DSCAML1: variants seen among roughly 807,000 people sequenced by gnomAD.
The protein encoded by DSCAML1 is DS cell adhesion molecule like 1, also known as cell adhesion molecule DSCAML1.
In DSCAML1, 38 loss-of-function variants were observed where a neutral mutation model predicts 200.5. The observed-to-expected ratio is 0.19, with a 90% CI of 0.15 to 0.25. DSCAML1 has a LOEUF of 0.25. Among genes scored for constraint, DSCAML1 ranks in the 10% least tolerant of loss-of-function variants. The pLI is 1.00. For synonymous variants in DSCAML1, 1,215 were observed against 1,165.0 expected (o/e 1.04, Z -0.87); for missense variants, 2,223 against 2,858.8 (o/e 0.78, Z 5.07).
chr11:117,593,152 C>CCCCTGGGCCCATGTGTCCTG lies in DSCAML1; in HGVS notation c.512-60631_512-60630insCAGGACACATGGGCCCAGGG, dbSNP rs1486921024. ...AGGGGCATAGGCCCAGCTCCTCCAT[C>CCCCTGGGCCCATGTGTCCTG]CCCTGGGCCCACGTGTCCTGCCCTC... On this transcript the variant is annotated intron_variant, in intron 3 of 32. Coordinates refer to ENST00000651296, the MANE Select transcript of DSCAML1 (RefSeq NM_020693.4). 9.7e-4 allele frequency among the ~76,000 whole-genome samples: 148 copies of CCCCTGGGCCCATGTGTCCTG among 152,394 alleles called. 1 individual carries two copies. The highest frequency in any genetic ancestry group is 3.4e-3 in the African/African-American group (143 of 41,590).
intron 3 of DSCAML1, among the ~76,000 whole-genome samples, chr11:117,762,747 C>T (rs2054825329): frequency 6.6e-6 from 1 of 151,942 alleles, no homozygotes; most frequent in Non-Finnish European, 1.5e-5. Flanking sequence ...CCTGTAACCC[C>T]AGATGCTGTG....
rs1468762831 is a variant in DSCAML1 at position 117,428,621 on chromosome 11, G to A, written c.5869C>T (p.His1957Tyr). Residue 1957 changes from histidine to tyrosine, a missense_variant, in exon 33 of 33, where the codon CAC becomes TAC. Transcript: ENST00000651296. ...GAGGCGGCAGCGGGGGCCCCTGGGT[G>A]GGGAAGGCCCAAGGACTTGCTGGCA... ...DPASKSLGLP[H>Y]PGAPAAASTA... 6.2e-7 allele frequency: 1 copy of A among 1,609,460 alleles called. No individual in the cohort carries two copies. Among genetic ancestry groups the A allele is most frequent in the Non-Finnish European group, 8.5e-7 (1 of 1,178,268 alleles).
intron 3 of DSCAML1, among the ~76,000 whole-genome samples, chr11:117,686,845 C>T (rs984663323): frequency 4.6e-5 from 7 of 152,106 alleles, no homozygotes; most frequent in South Asian, 2.1e-4. Context: ...CTGATGATGA[C>T]GATGATGATG....
At chr11:117,501,654 G>A (rs781397633) in intron 11 of DSCAML1, among the ~76,000 whole-genome samples, 2 of 152,158 alleles carry the variant, frequency 1.3e-5, no homozygotes, top group Non-Finnish European at 2.9e-5. Flanking sequence ...CGGAGGATGT[G>A]TGAGAGGGAG....
chr11:117,465,260 A>G, intron 16 of DSCAML1, 78 bp from the exon 17 acceptor site: 1 of 1,562,468 alleles, frequency 6.4e-7, no homozygotes, highest in South Asian at 1.2e-5. Flanking sequence ...AAGTCAGATC[A>G]TGTCACTCCT....
Position 117,493,927 on chromosome 11 carries a change from C to T in DSCAML1, c.2359+9918G>A, listed in dbSNP as rs573987824. Among the ~76,000 whole-genome samples, 6 of 152,308 alleles carry T rather than the reference C, an allele frequency of 3.9e-5. No homozygotes were observed. In the South Asian group the frequency reaches 1.2e-3, roughly 32 times the overall value. On this transcript the variant is annotated intron_variant, in intron 11 of 32. Coordinates refer to ENST00000651296, the MANE Select transcript of DSCAML1 (RefSeq NM_020693.4). ...ACAGGTGTGAGCCACTGTGCCTGGC[C>T]TGGTCTTCTACTTTCCCAAGAATGT...
At chr11:117,742,809 G>A (rs1591462056) in intron 3 of DSCAML1, among the ~76,000 whole-genome samples, 1 of 152,354 alleles carries the variant, frequency 6.6e-6, no homozygotes, top group Admixed American at 6.5e-5. Context: ...CTGAGGGTTT[G>A]GGGAGGGTGT....
chr11:117,432,413 G>A lies in DSCAML1; in HGVS notation c.5118C>T (p.His1706=), dbSNP rs1422424602. The change falls in exon 30 of 33, where the codon CAC becomes CAT. Residue 1706 remains histidine, a synonymous_variant. Coordinates refer to ENST00000651296, the MANE Select transcript of DSCAML1 (RefSeq NM_020693.4). ...GTCCTGTGCTCTGGATGAGGGTTGG[G>A]TGGTGCAAGGAGACGCCAGTACAGA... ...QSFCTGVSLH[H]PTLIQSTGPL... 6.2e-7 allele frequency: 1 copy of A among 1,614,202 alleles called. No individual in the cohort carries two copies. Among genetic ancestry groups the A allele is most frequent in the Non-Finnish European group, 8.5e-7 (1 of 1,180,048 alleles).
chr11:117,485,258 G>T (rs2049022014), intron 11 of DSCAML1, among the ~76,000 whole-genome samples: 1 of 152,186 alleles, frequency 6.6e-6, no homozygotes, highest in Non-Finnish European at 1.5e-5. Flanking sequence ...GTTCAGCCCT[G>T]TGGGCAGCCA....
chr11:117,779,730 A>G (rs2055198006), intron 2 of DSCAML1, among the ~76,000 whole-genome samples: 1 of 152,200 alleles, frequency 6.6e-6, no homozygotes, highest in Non-Finnish European at 1.5e-5. Context: ...AAATATCTAC[A>G]TTGTTAGAAA....
chr11:117,759,466 AG>A (rs1441793168), intron 3 of DSCAML1, among the ~76,000 whole-genome samples: 1 of 152,152 alleles, frequency 6.6e-6, no homozygotes, highest in Non-Finnish European at 1.5e-5. Context: ...CCTCGTCCCC[AG>A]GGCTGGAAGG....
chr11:117,660,123 A>G (rs1052912865), intron 3 of DSCAML1, among the ~76,000 whole-genome samples: 2 of 152,052 alleles, frequency 1.3e-5, no homozygotes, highest in South Asian at 2.1e-4. Context: ...CTTCTCCCCA[A>G]CACAGGCCAT....
chr11:117,600,107 T>C (rs1358131157), intron 3 of DSCAML1, among the ~76,000 whole-genome samples: 2 of 152,200 alleles, frequency 1.3e-5, no homozygotes, highest in Admixed American at 6.5e-5. Flanking sequence ...AGTCTTCATA[T>C]ATGTCATGTA....
chr11:117,809,408 C>T (rs1193881340), intron 1 of DSCAML1, among the ~76,000 whole-genome samples: 1 of 152,246 alleles, frequency 6.6e-6, no homozygotes, highest in Non-Finnish European at 1.5e-5. Flanking sequence ...CCCTGGCCCA[C>T]TACTGGATGT....
chr11:117,449,818 G>A (rs1392915368), intron 20 of DSCAML1, among the ~76,000 whole-genome samples: 1 of 146,124 alleles, frequency 6.8e-6, no homozygotes, highest in Non-Finnish European at 1.5e-5. Context: ...TGGTTGACTG[G>A]CTGGAGATGA....
chr11:117,582,231 AT>A (rs1044357348), intron 3 of DSCAML1, among the ~76,000 whole-genome samples: 6 of 152,318 alleles, frequency 3.9e-5, no homozygotes, highest in Admixed American at 3.9e-4. Flanking sequence ...CTCTGTAGCC[AT>A]TTACAAGTCC....
At chr11:117,476,874 C>T (rs974929642) in intron 14 of DSCAML1, among the ~76,000 whole-genome samples, 2 of 152,048 alleles carry the variant, frequency 1.3e-5, no homozygotes, top group South Asian at 4.2e-4. Flanking sequence ...GGTCGGGAGC[C>T]GATGGTCAGG....
At chr11:117,758,753 C>T (rs11216534) in intron 3 of DSCAML1, among the ~76,000 whole-genome samples, 8,128 of 152,224 alleles carry the variant, frequency 0.053, 269 homozygotes, top group Non-Finnish European at 0.069. Flanking sequence ...TAGAGCCTTA[C>T]AGACACGGAC....
At chr11:117,593,701 T>C (rs1481739833) in intron 3 of DSCAML1, among the ~76,000 whole-genome samples, 1 of 144,726 alleles carries the variant, frequency 6.9e-6, no homozygotes, top group Non-Finnish European at 1.5e-5. Flanking sequence ...TTGAACTCAC[T>C]ATATTTCTTG....
Sources: gnomAD v4.1 joint callset for allele counts (sites outside exome capture counted in the v4.1 genomes callset) on GRCh38, gnomAD v4.1.1 for gene constraint, MANE v1.5 for transcripts, NCBI Gene and HGNC (gene_info 2026-07-23, HGNC 2026-07-21) for gene names.